ADGRB3: variants seen among roughly 807,000 people sequenced by gnomAD.
The protein encoded by ADGRB3 is brain-specific angiogenesis inhibitor 3.
Under a neutral mutation model 193.4 loss-of-function variants are expected in ADGRB3, and 37 were observed. The observed-to-expected ratio is 0.19, with a 90% confidence interval of 0.15 to 0.25. The LOEUF (loss-of-function observed/expected upper bound fraction) is 0.25. Ranked by LOEUF, ADGRB3 falls within the 10% of genes least tolerant of loss-of-function variation. The pLI is 1.00. For synonymous variants in ADGRB3, 690 were observed against 644.2 expected, an observed-to-expected ratio of 1.07 and a Z score of -1.08; for missense variants, 1,637 against 1,852.9, an observed-to-expected ratio of 0.88 and a Z score of 2.14.
intron 11 of ADGRB3, among the ~76,000 whole-genome samples, chr6:68,996,865 T>C (rs1245005723): frequency 6.6e-6 from 1 of 152,154 alleles, no homozygotes; most frequent in Admixed American, 6.5e-5. Flanking sequence ...GAATCCTGTC[T>C]ATAGAAGATG....
chr6:69,117,487 T>C (rs1773567673), intron 17 of ADGRB3, among the ~76,000 whole-genome samples: 1 of 152,222 alleles, frequency 6.6e-6, no homozygotes, highest in Non-Finnish European at 1.5e-5. Context: ...AAAGATACTC[T>C]AATACATTCT....
chr6:69,095,808 C>T (rs189135279), intron 17 of ADGRB3, among the ~76,000 whole-genome samples: 94 of 152,194 alleles, frequency 6.2e-4, no homozygotes, highest in Non-Finnish European at 1.2e-3. Flanking sequence ...CGCACATGCA[C>T]GCGTGCACAC....
chr6:68,657,782 T>G (rs1274472053), intron 3 of ADGRB3, among the ~76,000 whole-genome samples: 1 of 151,500 alleles, frequency 6.6e-6, no homozygotes. Context: ...TGCAAATTTG[T>G]ATAGATCTTT....
chr6:68,882,352 C>A (rs1177713948), intron 3 of ADGRB3, among the ~76,000 whole-genome samples: 1 of 152,118 alleles, frequency 6.6e-6, no homozygotes, highest in African/African-American at 2.4e-5. Flanking sequence ...TCATGTATAA[C>A]ATTTAAACCA....
intron 17 of ADGRB3, among the ~76,000 whole-genome samples, chr6:69,201,448 C>T (rs1765415200): frequency 2.0e-5 from 3 of 151,664 alleles, no homozygotes; most frequent in Non-Finnish European, 4.4e-5. Flanking sequence ...TTTTATCTCT[C>T]CCTATTCTTA....
At chr6:68,740,568 A>G (rs1482172999) in intron 3 of ADGRB3, among the ~76,000 whole-genome samples, 1 of 152,208 alleles carries the variant, frequency 6.6e-6, no homozygotes, top group African/African-American at 2.4e-5. Flanking sequence ...TATTAAAAAA[A>G]TTCCAATTTG....
chr6:69,096,082 C>A (rs1772867687), intron 17 of ADGRB3, among the ~76,000 whole-genome samples: 1 of 152,102 alleles, frequency 6.6e-6, no homozygotes, highest in African/African-American at 2.4e-5. Flanking sequence ...TTTTTTAGTG[C>A]AGATTTCCAT....
In ADGRB3 at chr6:69,145,588, C is replaced by T. The variant is rs182436942; in HGVS notation, c.2480+69550C>T. On this transcript the variant is annotated intron_variant, in intron 17 of 31. Transcript: ENST00000370598. ...TTTCAGCCCTGGCATTCAGTGGGTC[C>T]CAAGTTATTGTCCCATGTCCAGGAA... is the stretch of plus-strand genomic sequence containing the variant. Among the ~76,000 whole-genome samples, 12 of 152,244 alleles carry T rather than the reference C, an allele frequency of 7.9e-5. No individual in the cohort carries two copies. The East Asian group carries it at 2.3e-3, about 29-fold the overall frequency.
chr6:69,272,830 G>A (rs540691160), intron 20 of ADGRB3, among the ~76,000 whole-genome samples: 27 of 152,230 alleles, frequency 1.8e-4, no homozygotes, highest in Middle Eastern at 6.8e-3. Context: ...TCTGAGCCAG[G>A]CCTATAATAA....
At chr6:68,875,205 G>A (rs949583297) in intron 3 of ADGRB3, among the ~76,000 whole-genome samples, 2 of 39,292 alleles carry the variant, frequency 5.1e-5, no homozygotes, top group East Asian at 7.5e-4. Context: ...TCCTTCCCCC[G>A]GCCCCTCTCC....
chr6:69,012,301 C>T (rs1410721905), intron 11 of ADGRB3, among the ~76,000 whole-genome samples: 3 of 151,942 alleles, frequency 2.0e-5, no homozygotes, highest in Non-Finnish European at 4.4e-5. Flanking sequence ...CAGCAGCATG[C>T]ATTTTGTATG....
chr6:68,940,463 C>A (rs1004117190), intron 5 of ADGRB3, among the ~76,000 whole-genome samples: 5 of 150,660 alleles, frequency 3.3e-5, no homozygotes, highest in Middle Eastern at 3.4e-3. Context: ...AACAAAACTG[C>A]CACTGGCTGA....
At chr6:69,385,800 G>T (rs1458613925) in intron 31 of ADGRB3, among the ~76,000 whole-genome samples, 1 of 151,936 alleles carries the variant, frequency 6.6e-6, no homozygotes, top group Admixed American at 6.6e-5. Flanking sequence ...CAGCTCCACG[G>T]TTCATCATTT....
chr6:69,135,098 A>G (rs1774115041), intron 17 of ADGRB3, among the ~76,000 whole-genome samples: 1 of 152,040 alleles, frequency 6.6e-6, no homozygotes, highest in Non-Finnish European at 1.5e-5. Context: ...TGTACTCTAT[A>G]GAGACATGAA....
At chr6:68,778,928 A>G (rs1226586878) in intron 3 of ADGRB3, among the ~76,000 whole-genome samples, 1 of 151,994 alleles carries the variant, frequency 6.6e-6, no homozygotes, top group Non-Finnish European at 1.5e-5. Flanking sequence ...GTCACAAATG[A>G]AGATGAGCCA....
intron 3 of ADGRB3, among the ~76,000 whole-genome samples, chr6:68,695,660 A>C (rs1394239924): frequency 6.6e-6 from 1 of 151,660 alleles, no homozygotes; most frequent in Non-Finnish European, 1.5e-5. Context: ...TGTCTGGGTA[A>C]CTTCTTAACT....
chr6:68,691,595 G>A (rs1765073427), intron 3 of ADGRB3, among the ~76,000 whole-genome samples: 1 of 151,770 alleles, frequency 6.6e-6, no homozygotes, highest in African/African-American at 2.4e-5. Flanking sequence ...GACTTTTGTT[G>A]TCACTATCTT....
intron 17 of ADGRB3, among the ~76,000 whole-genome samples, chr6:69,098,788 A>G (rs1772954984): frequency 6.6e-6 from 1 of 152,194 alleles, no homozygotes; most frequent in Non-Finnish European, 1.5e-5. Context: ...AGGTCATTAA[A>G]GAAAGGACTT....
chr6:69,255,872 T>C (rs1766756176), intron 20 of ADGRB3, among the ~76,000 whole-genome samples: 1 of 152,222 alleles, frequency 6.6e-6, no homozygotes, highest in South Asian at 2.1e-4. Context: ...CTTGAATTAA[T>C]TTTTGTATAA....
Sources: allele counts gnomAD v4.1 joint callset (sites outside exome capture counted in the v4.1 genomes callset), GRCh38; gene constraint gnomAD v4.1.1; transcripts MANE v1.5; gene names NCBI Gene and HGNC (gene_info 2026-07-23, HGNC 2026-07-21).